The following COL6A3 variants were observed in gnomAD, a reference collection of about 807,000 sequenced individuals.
COL6A3 encodes collagen type VI alpha 3 chain.
COL6A3 carries 137 observed loss-of-function variants against 274.1 expected under a neutral mutation model. The ratio of observed to expected loss-of-function variants is 0.50; its 90% CI spans 0.44 to 0.58. The LOEUF (loss-of-function observed/expected upper bound fraction) is 0.58, where lower values mean the gene tolerates loss of function less well. Among genes scored for constraint, COL6A3 ranks in the 20% least tolerant of loss-of-function variants. COL6A3 has a pLI of 0.00. For synonymous variants in COL6A3, 1,650 were observed against 1,650.6 expected (o/e 1.00, Z 0.01); for missense variants, 3,950 against 4,124.9 (o/e 0.96, Z 1.16).
chr2:237,350,766 ATAT>A (rs1363604452), intron 27 of COL6A3, among the ~76,000 whole-genome samples: 2 of 152,200 alleles, frequency 1.3e-5, no homozygotes, highest in Non-Finnish European at 2.9e-5. Flanking sequence ...TGCTCGTTCC[ATAT>A]TATACTGAAA....
chr2:237,340,454 C>T lies in COL6A3; in HGVS notation c.8462G>A (p.Ser2821Asn). 1 of 1,612,042 alleles carries T rather than the reference C, an allele frequency of 6.2e-7. No individual in the cohort carries two copies. The highest frequency in any genetic ancestry group is 8.5e-7 in the Non-Finnish European group (1 of 1,179,940). ...RFGRLLPSFV[S>N]SENAFYLSPD... ...ATGCTGTGCCACGCAGGACTTACTGCTGACGAAGGATGGCAACAGCCTCCC... is the reference window on the plus strand; with the variant it reads ...ATGCTGTGCCACGCAGGACTTACTGTTGACGAAGGATGGCAACAGCCTCCC... Residue 2821 changes from serine to asparagine, a missense_variant and splice_region_variant, in exon 38 of 44, where the codon AGC (serine) becomes AAC (asparagine). Around this residue, in one of 5 missense-constraint regions of COL6A3, gnomAD observed 1,284 missense variants for 1,349.7 expected, o/e 0.95. Transcript: ENST00000295550.
At chr2:237,401,031 T>C (rs2078576192) in intron 1 of COL6A3, among the ~76,000 whole-genome samples, 1 of 152,122 alleles carries the variant, frequency 6.6e-6, no homozygotes, top group Admixed American at 6.6e-5. Context: ...TATTACAAAA[T>C]GGTGTAATGA....
chr2:237,396,903 A>G, intron 1 of COL6A3, 56 bp from the exon 2 acceptor site: 1 of 1,174,442 alleles, frequency 8.5e-7, no homozygotes, highest in Non-Finnish European at 1.3e-6. Flanking sequence ...CATTATGCAA[A>G]ATCTCTCAAA....
In COL6A3 at chr2:237,366,829, A is replaced by C. The variant is rs1216683356; in HGVS notation, c.5358T>G (p.Val1786=). The C allele has an allele frequency of 6.2e-7, 1 of 1,614,236 alleles. No individual in the cohort carries two copies. Among genetic ancestry groups the C allele is most frequent in the South Asian group, 1.1e-5 (1 of 91,086 alleles). The change falls in exon 11 of 44, where the codon GTT becomes GTG. Residue 1786 remains valine (V), a synonymous_variant. Transcript: ENST00000295550. ...VGVRNIDSEE[V]GKIASNSATA... ...TGGCGCTGTTGGACGCTATCTTTCC[A>C]ACCTCCTCCGAGTCGATATTCCTCA...
Position 237,367,072 on chromosome 2 carries a change from G to A in COL6A3, c.5115C>T (p.Ala1705=), listed in dbSNP as rs1465313952. The A allele has an allele frequency of 6.2e-7, 1 of 1,614,224 alleles. No individual in the cohort carries two copies. Among genetic ancestry groups the A allele is most frequent in the South Asian group, 1.1e-5 (1 of 91,078 alleles). ...CCCCTTTGTAGACCACTTTGTTGAT[G>A]GCGTCAATAATCTGCCTCTTGGTAG... The part of the protein sequence containing the change: ...DFSTKRQIID[A]INKVVYKGGR... The change falls in exon 11 of 44, where the codon GCC becomes GCT. Residue 1705 remains alanine, a synonymous_variant. Transcript: ENST00000295550.
At chr2:237,377,963 A>G (rs2077895550) in intron 6 of COL6A3, among the ~76,000 whole-genome samples, 1 of 152,256 alleles carries the variant, frequency 6.6e-6, no homozygotes. Context: ...GCCCTATGGC[A>G]CCGCAATGTG....
At chr2:237,347,244 C>A (rs376142209) in intron 31 of COL6A3, among the ~76,000 whole-genome samples, 2,796 of 152,066 alleles carry the variant, frequency 0.018, 103 homozygotes, top group African/African-American at 0.063. Flanking sequence ...CACTGCACTC[C>A]GCCCAGATGA....
chr2:237,356,518 C>A (rs1447406150), intron 23 of COL6A3, among the ~76,000 whole-genome samples: 1 of 152,224 alleles, frequency 6.6e-6, no homozygotes, highest in Non-Finnish European at 1.5e-5. Flanking sequence ...GCGAACTCTA[C>A]TGGCCCAAGT....
At chr2:237,393,953 G>A (rs928277923) in intron 3 of COL6A3, among the ~76,000 whole-genome samples, 14 of 152,146 alleles carry the variant, frequency 9.2e-5, no homozygotes, top group Non-Finnish European at 1.3e-4. Context: ...CATGATTACC[G>A]CATGGAGAAG....
intron 23 of COL6A3, 175 bp from the exon 24 acceptor site, chr2:237,355,109 G>A (rs936875912): frequency 1.8e-5 from 11 of 606,074 alleles, no homozygotes; most frequent in African/African-American, 7.4e-5. Context: ...GGGGAAACTC[G>A]CACACACAGA....
chr2:237,379,480 T>TC (rs1559259547), intron 5 of COL6A3, among the ~76,000 whole-genome samples: 1 of 152,170 alleles, frequency 6.6e-6, no homozygotes, highest in Non-Finnish European at 1.5e-5. Context: ...AGCTACAACA[T>TC]CAAAGTTAGA....
At chr2:237,346,132 T>C (rs1171658908) in intron 32 of COL6A3, among the ~76,000 whole-genome samples, 1 of 152,182 alleles carries the variant, frequency 6.6e-6, no homozygotes, top group Non-Finnish European at 1.5e-5. Context: ...CAGGAAGCAT[T>C]GTCAAACCAA....
rs777351827 is a variant in COL6A3, at chr2:237,361,157, G to A, written c.6174C>T (p.Asp2058=). 54 of 1,613,994 alleles carry A rather than the reference G, an allele frequency of 3.3e-5. No homozygotes were observed. Among genetic ancestry groups the A allele is most frequent in the South Asian group, 1.3e-4 (12 of 91,066 alleles). ...SIGPKGIPGE[D]GYRGYPGDEG... is the part of the protein sequence containing the mutation. Reference sequence around the variant, plus strand: ...CATCACCAGGATAGCCTCGGTAGCCGTCTTCTCCAGGAATACCCTGAAACA... The same window carrying A: ...CATCACCAGGATAGCCTCGGTAGCCATCTTCTCCAGGAATACCCTGAAACA... The change falls in exon 16 of 44, where the codon GAC becomes GAT. Residue 2058 remains aspartate (D), a synonymous_variant. Coordinates refer to ENST00000295550, the MANE Select transcript of COL6A3 (RefSeq NM_004369.4). This position sits in a 1 kb window ranked among gnomAD's most constrained non-coding sequence, Gnocchi z 5.1.
chr2:237,340,596 T>C lies in COL6A3; in HGVS notation c.8320A>G (p.Ile2774Val), dbSNP rs1268023000. The C allele has an allele frequency of 3.7e-6, 6 of 1,614,234 alleles. No individual in the cohort carries two copies. Among genetic ancestry groups the C allele is most frequent in the Middle Eastern group, 1.6e-4 (1 of 6,062 alleles). Residue 2774 changes from isoleucine to valine, a missense_variant, in exon 38 of 44, where the codon ATT (isoleucine) becomes GTT (valine). Physicochemically the swap from Ile to Val is conservative, Grantham distance 29 (BLOSUM62 3). Around this residue, in one of 5 missense-constraint regions of COL6A3, gnomAD observed 1,284 missense variants for 1,349.7 expected, o/e 0.95. Transcript: ENST00000295550. The part of the protein sequence containing the change: ...CKGYFFVVLG[I>V]GRKVNIKEVY... ...TCCTTGATGTTCACCTTCCTGCCAATGCCCAGGACCACGAAGAAGTAGCCC... is the reference window on the plus strand; with the variant it reads ...TCCTTGATGTTCACCTTCCTGCCAACGCCCAGGACCACGAAGAAGTAGCCC...
intron 4 of COL6A3, among the ~76,000 whole-genome samples, chr2:237,386,297 T>C (rs758018604): frequency 6.2e-4 from 94 of 152,362 alleles, no homozygotes; most frequent in Non-Finnish European, 1.1e-3. Context: ...ATGTTTTTAA[T>C]TAAGACTTTA....
chr2:237,369,276 A>G, intron 9 of COL6A3, 99 bp from the exon 10 acceptor site: 1 of 1,488,958 alleles, frequency 6.7e-7, no homozygotes, highest in South Asian at 1.2e-5. Context: ...CAACCTTAAG[A>G]TTATATCCCA....
intron 42 of COL6A3, among the ~76,000 whole-genome samples, chr2:237,331,455 A>G (rs1487577851): frequency 6.6e-6 from 1 of 152,212 alleles, no homozygotes; most frequent in Admixed American, 6.5e-5. Context: ...CTGGTTATCC[A>G]TTTTGAATTT....
intron 42 of COL6A3, among the ~76,000 whole-genome samples, chr2:237,332,070 C>CATAT (rs58082340): frequency 8.8e-4 from 31 of 35,168 alleles, no homozygotes; most frequent in South Asian, 2.0e-3. Flanking sequence ...TCTCTCTCTA[C>CATAT]ATATATATAT....
At chr2:237,342,419 G>C (rs2077006553) in intron 36 of COL6A3, 2 of 515,550 alleles carry the variant, frequency 3.9e-6, no homozygotes, top group African/African-American at 1.9e-5. Flanking sequence ...TGTAAAATGG[G>C]GGGTAATACC....
Sources: allele counts gnomAD v4.1 joint callset (sites outside exome capture counted in the v4.1 genomes callset), GRCh38; gene constraint gnomAD v4.1.1; regional missense constraint gnomAD v4.1.1; non-coding constraint Gnocchi (gnomAD v3.1); transcripts MANE v1.5; gene names NCBI Gene and HGNC (gene_info 2026-07-23, HGNC 2026-07-21).